The following SNX24 variants were observed in gnomAD, a reference collection of about 807,000 sequenced individuals.
The protein encoded by SNX24 is sorting nexin-24.
In SNX24, 22 loss-of-function variants were observed where a neutral mutation model predicts 28.7. That is an observed-to-expected ratio of 0.77 (90% CI 0.55 to 1.10). The LOEUF is 1.10. SNX24 is among the 50% of genes least tolerant of loss of function. The pLI, the probability that SNX24 is intolerant of heterozygous loss-of-function variation, is 0.00. For missense variants in SNX24, 221 were observed against 201.1 expected (o/e 1.10, Z -0.60); for synonymous variants, 69 against 71.5 (o/e 0.96, Z 0.18).
chr5:122,997,623 C>A (rs1173502890), intron 3 of SNX24, among the ~76,000 whole-genome samples: 1 of 152,164 alleles, frequency 6.6e-6, no homozygotes, highest in Non-Finnish European at 1.5e-5. Context: ...CATTAATAAA[C>A]CTAAGTAACC....
chr5:122,936,872 T>C lies in SNX24; in HGVS notation c.144+55T>C. 3 of 996,896 alleles carry C rather than the reference T, an allele frequency of 3.0e-6. No individual in the cohort carries two copies. The South Asian group carries it at 4.2e-5, about 14-fold the overall frequency. The allele number at this position is 996,896 out of a possible 1,614,324, so 61.8% of individuals were successfully genotyped here. A position where few individuals can be genotyped will look rare whatever the true frequency, so the allele number is the denominator to read the frequency against. ...CTCTATGTGGCAGATGGTATAATGTTAACTAACACTCCTTTCTGTGGTTCT... is the reference window on the plus strand; with the variant it reads ...CTCTATGTGGCAGATGGTATAATGTCAACTAACACTCCTTTCTGTGGTTCT... On this transcript the variant is annotated intron_variant, in intron 2 of 6. Transcript: ENST00000261369.
chr5:122,914,653 A>G (rs1189836994), intron 1 of SNX24, among the ~76,000 whole-genome samples: 1 of 150,152 alleles, frequency 6.7e-6, no homozygotes, highest in East Asian at 1.9e-4. Context: ...GAATTTATCC[A>G]TTTCTTCTAG....
intron 1 of SNX24, among the ~76,000 whole-genome samples, chr5:122,859,223 G>A (rs1307387779): frequency 6.6e-6 from 1 of 152,156 alleles, no homozygotes; most frequent in Non-Finnish European, 1.5e-5. Flanking sequence ...CATGCCTTCA[G>A]TCTCGGGTAC....
chr5:122,926,386 A>G (rs1469862958), intron 1 of SNX24, among the ~76,000 whole-genome samples: 3 of 152,198 alleles, frequency 2.0e-5, no homozygotes, highest in African/African-American at 4.8e-5. Context: ...GCTGCAGGGC[A>G]GGAGTGAAGC....
At chr5:123,013,532 A>G (rs1354054229), downstream of SNX24, among the ~76,000 whole-genome samples, 1 of 152,248 alleles carries the variant, frequency 6.6e-6, no homozygotes, top group Non-Finnish European at 1.5e-5. Flanking sequence ...GTGCAGATAC[A>G]TAGTGACAGA....
At chr5:122,946,560 C>T (rs1759694149) in intron 3 of SNX24, among the ~76,000 whole-genome samples, 2 of 151,948 alleles carry the variant, frequency 1.3e-5, no homozygotes, top group Admixed American at 6.6e-5. Context: ...GAACTCACAG[C>T]GGGCCTGGCT....
chr5:122,928,394 A>C (rs539438102), intron 1 of SNX24, among the ~76,000 whole-genome samples: 1 of 152,296 alleles, frequency 6.6e-6, no homozygotes, highest in African/African-American at 2.4e-5. Flanking sequence ...AAAGAGTTTA[A>C]AGTTAAGGAC....
intron 1 of SNX24, among the ~76,000 whole-genome samples, chr5:122,894,939 A>G (rs1357692083): frequency 3.3e-5 from 5 of 152,156 alleles, no homozygotes; most frequent in Non-Finnish European, 7.4e-5. Flanking sequence ...CAGTAAATAA[A>G]TGCTTAATAA....
intron 5 of SNX24, among the ~76,000 whole-genome samples, chr5:123,017,795 C>A (rs140219104): frequency 6.6e-6 from 1 of 152,092 alleles, no homozygotes; most frequent in Non-Finnish European, 1.5e-5. Context: ...CCATATGAGA[C>A]GTGCCTTTAA....
At chr5:122,864,100 A>G (rs1224797880) in intron 1 of SNX24, among the ~76,000 whole-genome samples, 1 of 152,242 alleles carries the variant, frequency 6.6e-6, no homozygotes, top group Non-Finnish European at 1.5e-5. Context: ...GTCATGTCTT[A>G]AAAGAATTAC....
intron 1 of SNX24, among the ~76,000 whole-genome samples, chr5:122,919,832 G>A (rs781320317): frequency 6.6e-6 from 1 of 152,012 alleles, no homozygotes; most frequent in Admixed American, 6.6e-5. Flanking sequence ...CATGCATCAG[G>A]GCCCAACAAA....
intron 3 of SNX24, among the ~76,000 whole-genome samples, chr5:122,975,819 A>G (rs1228941071): frequency 6.6e-6 from 1 of 152,250 alleles, no homozygotes; most frequent in Non-Finnish European, 1.5e-5. Flanking sequence ...AGATTAAAAC[A>G]AAACATTTGT....
At chr5:122,954,877 A>T (rs1760137494) in intron 3 of SNX24, among the ~76,000 whole-genome samples, 2 of 151,998 alleles carry the variant, frequency 1.3e-5, no homozygotes, top group Non-Finnish European at 2.9e-5. Context: ...CTTTTGAATT[A>T]TCCTGGTTTC....
intron 3 of SNX24, among the ~76,000 whole-genome samples, chr5:122,966,832 A>G (rs1208304846): frequency 1.3e-5 from 2 of 152,200 alleles, no homozygotes; most frequent in African/African-American, 4.8e-5. Flanking sequence ...CTAAAATATA[A>G]CAGGCATACA....
chr5:122,869,083 T>C (rs574733683), intron 1 of SNX24, among the ~76,000 whole-genome samples: 1 of 152,350 alleles, frequency 6.6e-6, no homozygotes, highest in African/African-American at 2.4e-5. Flanking sequence ...TTTTAAAATG[T>C]GAATATAGTG....
chr5:122,981,133 AC>A (rs1761377450), intron 3 of SNX24, among the ~76,000 whole-genome samples: 1 of 152,222 alleles, frequency 6.6e-6, no homozygotes, highest in Non-Finnish European at 1.5e-5. Context: ...TTCATGCAAA[AC>A]ATATGTTATT....
chr5:122,851,441 A>G (rs897644460), intron 1 of SNX24, among the ~76,000 whole-genome samples: 6 of 152,214 alleles, frequency 3.9e-5, no homozygotes, highest in Non-Finnish European at 7.3e-5. Flanking sequence ...TGCTGGGATT[A>G]CAGGCATGAG....
At chr5:122,877,509 T>A (rs764881894) in intron 1 of SNX24, among the ~76,000 whole-genome samples, 3 of 152,120 alleles carry the variant, frequency 2.0e-5, no homozygotes, top group Non-Finnish European at 2.9e-5. Context: ...TATCTGGGCT[T>A]TAGAAAACTG....
intron 3 of SNX24, among the ~76,000 whole-genome samples, chr5:122,969,339 A>G (rs1444609749): frequency 6.6e-6 from 1 of 152,190 alleles, no homozygotes; most frequent in African/African-American, 2.4e-5. Context: ...AGTTGTGGCA[A>G]TGGAGTTAAG....
Sources: allele counts gnomAD v4.1 joint callset (sites outside exome capture counted in the v4.1 genomes callset), GRCh38; gene constraint gnomAD v4.1.1; transcripts MANE v1.5; gene names NCBI Gene and HGNC (gene_info 2026-07-23, HGNC 2026-07-21).